PUM1: variants seen among roughly 807,000 people sequenced by gnomAD.
PUM1 encodes pumilio RNA binding family member 1.
PUM1 carries 13 observed loss-of-function variants against 131.8 expected under a neutral mutation model. That is an observed-to-expected ratio of 0.10 (90% CI 0.06 to 0.16). The LOEUF is 0.16. Ranked by LOEUF, PUM1 falls within the 10% of genes least tolerant of loss-of-function variation. The pLI, the probability that PUM1 is intolerant of heterozygous loss-of-function variation, is 1.00. For missense variants in PUM1, 961 were observed against 1,512.4 expected (o/e 0.64, Z 6.05); for synonymous variants, 509 against 556.5 (o/e 0.91, Z 1.20).
chr1:30,949,573 C>T (rs989605494), intron 17 of PUM1, among the ~76,000 whole-genome samples: 8 of 151,540 alleles, frequency 5.3e-5, no homozygotes, highest in African/African-American at 1.7e-4. Context: ...TTCTCATGTC[C>T]TCACCACTGC....
At chr1:30,986,094 A>G (rs1391391793) in intron 7 of PUM1, among the ~76,000 whole-genome samples, 1 of 152,142 alleles carries the variant, frequency 6.6e-6, no homozygotes, top group Non-Finnish European at 1.5e-5. Flanking sequence ...AGCTGGGATT[A>G]CAGGCTTGCG....
chr1:31,057,326 C>T (rs1392572226), intron 2 of PUM1, among the ~76,000 whole-genome samples: 1 of 142,272 alleles, frequency 7.0e-6, no homozygotes, highest in Non-Finnish European at 1.5e-5. Context: ...TCGCTTGAAC[C>T]AGGGAGACCG....
chr1:30,976,662 G>C (rs1455837445), intron 9 of PUM1, among the ~76,000 whole-genome samples: 1 of 152,278 alleles, frequency 6.6e-6, no homozygotes, highest in East Asian at 1.9e-4. Context: ...AGATTAAGAA[G>C]CTGTTTACAA....
intron 7 of PUM1, 113 bp downstream of exon 7, chr1:30,992,277 T>C (rs774968773): frequency 2.2e-6 from 3 of 1,381,042 alleles, no homozygotes; most frequent in Non-Finnish European, 3.0e-6. Context: ...AAGGGCTAGC[T>C]ATGGATAGCC....
intron 5 of PUM1, among the ~76,000 whole-genome samples, chr1:30,999,944 T>A (rs543781684): frequency 2.6e-5 from 4 of 152,338 alleles, no homozygotes; most frequent in Admixed American, 2.0e-4. Context: ...ACGGCCAATA[T>A]GGCCCTCCCA....
intron 2 of PUM1, among the ~76,000 whole-genome samples, chr1:31,057,607 C>G (rs1370522565): frequency 1.3e-5 from 2 of 150,886 alleles, no homozygotes; most frequent in Non-Finnish European, 2.9e-5. Flanking sequence ...TGCCTGTAAT[C>G]CCAGCTACTC....
chr1:30,955,168 A>G (rs1197937872), intron 14 of PUM1, among the ~76,000 whole-genome samples: 1 of 152,028 alleles, frequency 6.6e-6, no homozygotes, highest in African/African-American at 2.4e-5. Context: ...AAATAACAAA[A>G]TAACAGGCCA....
intron 2 of PUM1, among the ~76,000 whole-genome samples, chr1:31,035,511 G>A (rs1306088691): frequency 3.3e-5 from 5 of 152,104 alleles, no homozygotes; most frequent in Admixed American, 2.0e-4. Context: ...CAGCACTTTC[G>A]GAGGCCGAGG....
chr1:30,950,359 C>A, intron 16 of PUM1, 98 bp from the exon 17 acceptor site: 1 of 1,282,086 alleles, frequency 7.8e-7, no homozygotes, highest in South Asian at 1.6e-5. Context: ...ACTGGCATAA[C>A]CTCTTTTAGC....
intron 3 of PUM1, among the ~76,000 whole-genome samples, chr1:31,023,290 A>C (rs963641745): frequency 2.0e-5 from 3 of 152,134 alleles, no homozygotes; most frequent in Non-Finnish European, 4.4e-5. Context: ...TTCAGCAAGA[A>C]AGTCTATATG....
chr1:31,059,525 C>G lies in PUM1; in HGVS notation c.42G>C (p.Trp14Cys). The change falls in exon 2 of 22, where the codon TGG becomes TGC. Residue 14 changes from tryptophan to cysteine, a missense_variant. Trp to Cys is a radical substitution (Grantham distance 215). This residue lies in a region of PUM1 where 654 missense variants were observed against 923.9 expected (regional missense o/e 0.71). Transcript: ENST00000426105. ...TCAGGTGGGGGCTGAAAGAGTCCTG[C>G]CAAAGCACTGCTTTTCTCTTCAAGA... ...ACVLKRKAVL[W>C]QDSFSPHLKH... 6.2e-7 allele frequency: 1 copy of G among 1,614,078 alleles called. No individual in the cohort carries two copies. Among genetic ancestry groups the G allele is most frequent in the Non-Finnish European group, 8.5e-7 (1 of 1,179,982 alleles).
Position 30,962,054 on chromosome 1 carries a change from A to C in PUM1, c.2323+2620T>G, listed in dbSNP as rs566948974. Reference sequence around the variant, plus strand: ...TAGCACACCTCTACTTTCTCGAGGAAACAGACTGAGCTGAGGCAAAGCTGT... The same window carrying C: ...TAGCACACCTCTACTTTCTCGAGGACACAGACTGAGCTGAGGCAAAGCTGT... On this transcript the variant is annotated intron_variant, in intron 14 of 21. Coordinates refer to ENST00000426105, the MANE Select transcript of PUM1 (RefSeq NM_001020658.2). Among the ~76,000 whole-genome samples, 53 of 152,334 alleles carry C rather than the reference A, an allele frequency of 3.5e-4. No homozygotes were observed. In the South Asian group the frequency reaches 7.9e-3, roughly 23 times the overall value.
At chr1:30,951,622 A>G (rs998812557) in intron 16 of PUM1, among the ~76,000 whole-genome samples, 5 of 152,102 alleles carry the variant, frequency 3.3e-5, no homozygotes, top group African/African-American at 1.2e-4. Context: ...GTAAGCAAAA[A>G]AGTCCCTGCC....
intron 3 of PUM1, among the ~76,000 whole-genome samples, chr1:31,009,758 ACT>A (rs1310596124): frequency 2.1e-5 from 3 of 145,754 alleles, no homozygotes; most frequent in African/African-American, 5.1e-5. Context: ...AGAGAGCAAG[ACT>A]CTGTCTCAAA....
chr1:30,963,761 T>C (rs916073315), intron 14 of PUM1, among the ~76,000 whole-genome samples: 2 of 152,246 alleles, frequency 1.3e-5, no homozygotes, highest in Middle Eastern at 3.4e-3. Flanking sequence ...CCCAGGACAG[T>C]CCTGATTTAG....
intron 5 of PUM1, among the ~76,000 whole-genome samples, 200 bp downstream of exon 5, chr1:31,005,653 T>A (rs1028563789): frequency 5.3e-5 from 8 of 152,220 alleles, no homozygotes; most frequent in Non-Finnish European, 1.0e-4. Flanking sequence ...ATTACTTTAG[T>A]TTTTAAAAGT....
intron 9 of PUM1, among the ~76,000 whole-genome samples, chr1:30,979,063 C>T (rs985128420): frequency 1.3e-5 from 2 of 150,174 alleles, no homozygotes; most frequent in African/African-American, 4.9e-5. Flanking sequence ...GTATTCACGC[C>T]ACTGCATCCC....
Position 31,059,419 on chromosome 1 carries a change from G to C in PUM1, c.148C>G (p.Pro50Ala), listed in dbSNP as rs1416271581. 5 of 1,614,072 alleles carry C rather than the reference G, an allele frequency of 3.1e-6. No homozygotes were observed. Among genetic ancestry groups the C allele is most frequent in the Non-Finnish European group, 4.2e-6 (5 of 1,180,036 alleles). ...SGTGSQAQPQ[P>A]AANQALAAGT... ...GCTGCAAGAGCCTGATTTGCAGCTG[G>C]TTGTGGCTGCGCTTGCGACCCTGTT... is the stretch of plus-strand genomic sequence containing the variant. The change falls in exon 2 of 22, where the codon CCA (proline) becomes GCA (alanine). Residue 50 changes from proline to alanine, a missense_variant. Around this residue, in one of 4 missense-constraint regions of PUM1, gnomAD observed 654 missense variants for 923.9 expected, o/e 0.71. Coordinates refer to ENST00000426105, the MANE Select transcript of PUM1 (RefSeq NM_001020658.2).
chr1:31,037,412 A>G (rs1643646582), intron 2 of PUM1, among the ~76,000 whole-genome samples: 5 of 152,208 alleles, frequency 3.3e-5, no homozygotes, highest in Admixed American at 3.3e-4. Context: ...TCCCCATGAG[A>G]AAGTTAAAGA....
Sources: allele counts gnomAD v4.1 joint callset (sites outside exome capture counted in the v4.1 genomes callset), GRCh38; gene constraint gnomAD v4.1.1; regional missense constraint gnomAD v4.1.1; transcripts MANE v1.5; gene names NCBI Gene and HGNC (gene_info 2026-07-23, HGNC 2026-07-21).